LRP1: variants seen among roughly 807,000 people sequenced by gnomAD.
The protein encoded by LRP1 is LDL receptor related protein 1, also known as prolow-density lipoprotein receptor-related protein 1.
In LRP1, 51 loss-of-function variants were observed where a neutral mutation model predicts 541.5. That is an observed-to-expected ratio of 0.09 (90% CI 0.08 to 0.12). The LOEUF (loss-of-function observed/expected upper bound fraction) is 0.12. Ranked by LOEUF, LRP1 falls within the 10% of genes least tolerant of loss-of-function variation. LRP1 has a pLI of 1.00. For missense variants in LRP1, 3,878 were observed against 6,376.2 expected, an observed-to-expected ratio of 0.61 and a Z score of 13.34; for synonymous variants, 2,219 against 2,470.8, an observed-to-expected ratio of 0.90 and a Z score of 3.02.
rs534192855 is a variant in LRP1, at chr12:57,184,520, G to T, written c.6186+68G>T. 6.3e-7 allele frequency: 1 copy of T among 1,598,138 alleles called. No homozygotes were observed. Among genetic ancestry groups the T allele is most frequent in the South Asian group, 1.1e-5 (1 of 89,144 alleles). ...GACCCAGGCTCCTGTTCCCTGTGAT[G>T]AGCCCATTCTGGGAGGACTTGGAGC... On this transcript the variant is annotated intron_variant, in intron 38 of 88. Coordinates refer to ENST00000243077, the MANE Select transcript of LRP1 (RefSeq NM_002332.3). This position sits in a 1 kb window ranked among gnomAD's most constrained non-coding sequence, Gnocchi z 7.8.
Position 57,183,457 on chromosome 12 carries a change from C to T in LRP1, c.5741C>T (p.Ala1914Val). ...IPLDPNDKSD[A>V]LVPVSGTSLA... ...CTGGATCCCAATGACAAGTCAGATG[C>T]CCTGGTCCCAGTGTCCGGGACCTCG... Residue 1914 changes from alanine to valine, a missense_variant, in exon 35 of 89, where the codon GCC (alanine) becomes GTC (valine). Physicochemically the swap from Ala to Val is moderately conservative, Grantham distance 64. This residue lies in a region of LRP1 where 394 missense variants were observed against 635.9 expected (regional missense o/e 0.62). Coordinates refer to ENST00000243077, the MANE Select transcript of LRP1 (RefSeq NM_002332.3). The surrounding 1 kb of genome is among the most constrained non-coding windows in gnomAD (Gnocchi z 6.1). 1 of 1,614,166 alleles carries T rather than the reference C, an allele frequency of 6.2e-7. No homozygotes were observed. Among genetic ancestry groups the T allele is most frequent in the Non-Finnish European group, 8.5e-7 (1 of 1,179,992 alleles).
chr12:57,184,964 T>G lies in LRP1; in HGVS notation c.6312T>G (p.Phe2104Leu). The change falls in exon 39 of 89, where the codon TTT becomes TTG. Residue 2104 changes from phenylalanine (F) to leucine (L), a missense_variant. Phe to Leu is a conservative substitution (Grantham distance 22, BLOSUM62 0). Coordinates refer to ENST00000243077, the MANE Select transcript of LRP1 (RefSeq NM_002332.3). The surrounding 1 kb of genome is among the most constrained non-coding windows in gnomAD (Gnocchi z 7.8). ...TGGACATGTTTTCAGTGTCTGTGTT[T>G]GAGGATTTCATCTACTGGAGTGACA... ...NNMDMFSVSV[F>L]EDFIYWSDRT... 6.2e-7 allele frequency: 1 copy of G among 1,614,140 alleles called. No individual in the cohort carries two copies. The highest frequency in any genetic ancestry group is 8.5e-7 in the Non-Finnish European group (1 of 1,179,994).
In LRP1 at chr12:57,199,208, G is replaced by T. The variant is rs1431119379; in HGVS notation, c.9677-4G>T. ...GGCACTGTGCCTGCCCCTTGGCCCTGCAGTGCTGAGCCAGGACATCCCGCA... is the reference window on the plus strand; with the variant it reads ...GGCACTGTGCCTGCCCCTTGGCCCTTCAGTGCTGAGCCAGGACATCCCGCA... On this transcript the variant is annotated splice_polypyrimidine_tract_variant and splice_region_variant and intron_variant, in intron 60 of 88. Transcript: ENST00000243077. 1 of 1,612,564 alleles carries T rather than the reference G, an allele frequency of 6.2e-7. No homozygotes were observed.
rs763064523 is a variant in LRP1 at position 57,195,293 on chromosome 12, C to T, written c.8331C>T (p.Ser2777=). The change falls in exon 52 of 89, where the codon TCC becomes TCT. Residue 2777 remains serine (S), a synonymous_variant. Coordinates refer to ENST00000243077, the MANE Select transcript of LRP1 (RefSeq NM_002332.3). ...CAGAAGGCAAGACGTGCGGCCCCTC[C>T]TCCTTCTCCTGCCCTGGCACCCACG... The part of the protein sequence containing the change: ...AHCEGKTCGP[S]SFSCPGTHVC... The T allele has an allele frequency of 2.5e-6, 4 of 1,613,850 alleles. No homozygotes were observed. In the African/African-American group the frequency reaches 4.0e-5, roughly 16 times the overall value.
chr12:57,144,408 AGAT>A (rs1160094949), intron 4 of LRP1, among the ~76,000 whole-genome samples: 1 of 152,008 alleles, frequency 6.6e-6, no homozygotes, highest in Non-Finnish European at 1.5e-5. Context: ...TTGATGAGTG[AGAT>A]GTTCCCAATT....
In LRP1 at chr12:57,198,284, G is replaced by A. The variant is rs143423493; in HGVS notation, c.9411G>A (p.Thr3137=). The change falls in exon 59 of 89, where the codon ACG becomes ACA. Residue 3137 remains threonine, a synonymous_variant. Transcript: ENST00000243077. ...CCAAGCTCAATGGGGCCTATCGGAC[G>A]GTGCTGGTCAGCTCTGGCCTCCGTG... is the stretch of plus-strand genomic sequence containing the variant. The part of the protein sequence containing the change: ...EVSKLNGAYR[T]VLVSSGLREP... The A allele has an allele frequency of 3.3e-3, 5,379 of 1,613,954 alleles. 12 individuals are homozygous for A. Among genetic ancestry groups the A allele is most frequent in the Middle Eastern group, 5.0e-3 (30 of 6,012 alleles).
At chr12:57,193,360 C>A in intron 46 of LRP1, 56 bp downstream of exon 46, 1 of 1,593,918 alleles carries the variant, frequency 6.3e-7, no homozygotes, top group Non-Finnish European at 8.5e-7. Flanking sequence ...AGGTCCTCCT[C>A]CCCCAGGCCC....
In LRP1 at chr12:57,210,703, A is replaced by G; in HGVS notation, c.12755-15A>G. On this transcript the variant is annotated splice_polypyrimidine_tract_variant and intron_variant, in intron 82 of 88. Coordinates refer to ENST00000243077, the MANE Select transcript of LRP1 (RefSeq NM_002332.3). ...TCGAGGGCCACAGTCGCGCTCACAC[A>G]TCCTCTCCCACCAGGCATGCCCACG... 1 of 1,601,878 alleles carries G rather than the reference A, an allele frequency of 6.2e-7. No homozygotes were observed. The highest frequency in any genetic ancestry group is 8.5e-7 in the Non-Finnish European group (1 of 1,170,662).
At chr12:57,138,659 C>A in intron 2 of LRP1, 78 bp downstream of exon 2, 2 of 1,565,030 alleles carry the variant, frequency 1.3e-6, no homozygotes, top group Non-Finnish European at 1.7e-6. Context: ...GGGAGGAGGA[C>A]AGCTGATCCC....
Position 57,175,642 on chromosome 12 carries a change from G to C in LRP1, c.3730G>C (p.Val1244Leu). The C allele has an allele frequency of 6.2e-7, 1 of 1,607,218 alleles. No individual in the cohort carries two copies. The highest frequency in any genetic ancestry group is 8.5e-7 in the Non-Finnish European group (1 of 1,175,560). Residue 1244 changes from valine (V) to leucine (L), a missense_variant, in exon 23 of 89, where the codon GTG becomes CTG. This residue lies in a region of LRP1 where 320 missense variants were observed against 547.9 expected (regional missense o/e 0.58). Transcript: ENST00000243077. ...AAAGTGCGACCAGAACAAGTTCAGC[G>C]TGAAGTGCTCCTGCTACGAGGGCTG... ...SQKCDQNKFS[V>L]KCSCYEGWVL...
intron 13 of LRP1, among the ~76,000 whole-genome samples, chr12:57,161,874 C>T (rs1266721186): frequency 1.3e-5 from 2 of 152,150 alleles, no homozygotes; most frequent in South Asian, 2.1e-4. Flanking sequence ...GAGATCGTGT[C>T]GTTTTCACCT....
chr12:57,154,825 G>A lies in LRP1; in HGVS notation c.1227+124G>A, dbSNP rs971630332. 1.2e-6 allele frequency: 1 copy of A among 863,602 alleles called. No homozygotes were observed. Among genetic ancestry groups the A allele is most frequent in the South Asian group, 1.4e-5 (1 of 70,024 alleles). 53.5% of individuals were successfully genotyped at this position (863,602 alleles called of 1,614,324 possible). A position where few individuals can be genotyped will look rare whatever the true frequency, so the allele number is the denominator to read the frequency against. Reference sequence around the variant, plus strand: ...CTGGTAAAGAGCGTGGATGCCCCAGGCCTCTAGTGGGAGTGGGGTGGGCTT... The same window carrying A: ...CTGGTAAAGAGCGTGGATGCCCCAGACCTCTAGTGGGAGTGGGGTGGGCTT... On this transcript the variant is annotated intron_variant, in intron 8 of 88. Transcript: ENST00000243077. The surrounding 1 kb of genome is among the most constrained non-coding windows in gnomAD (Gnocchi z 4.6).
At chr12:57,137,291 C>T (rs1010108295) in intron 1 of LRP1, among the ~76,000 whole-genome samples, 9 of 150,852 alleles carry the variant, frequency 6.0e-5, no homozygotes, top group African/African-American at 1.9e-4. Flanking sequence ...CTTAATTCCT[C>T]CTTGGGGGAT....
intron 1 of LRP1, among the ~76,000 whole-genome samples, chr12:57,136,069 C>T (rs1021629791): frequency 2.6e-5 from 4 of 152,262 alleles, no homozygotes; most frequent in South Asian, 2.1e-4. Flanking sequence ...CCCCCTCAGC[C>T]GGCCACGGCT....
chr12:57,159,755 G>C, intron 11 of LRP1, 70 bp from the exon 12 acceptor site: 2 of 1,530,414 alleles, frequency 1.3e-6, no homozygotes, highest in Non-Finnish European at 1.8e-6. Flanking sequence ...CTGAGTCCGG[G>C]AGGGCCAGAG....
At position 57,154,646 on chromosome 12, in the gene LRP1, T is replaced by C; in HGVS notation, c.1172T>C (p.Ile391Thr). 6.3e-7 allele frequency: 1 copy of C among 1,594,364 alleles called. No homozygotes were observed. Among genetic ancestry groups the C allele is most frequent in the Non-Finnish European group, 8.5e-7 (1 of 1,169,996 alleles). Residue 391 changes from isoleucine (I) to threonine (T), a missense_variant, in exon 8 of 89, where the codon ATT becomes ACT. Coordinates refer to ENST00000243077, the MANE Select transcript of LRP1 (RefSeq NM_002332.3). The surrounding 1 kb of genome is among the most constrained non-coding windows in gnomAD (Gnocchi z 4.6). Reference sequence around the variant, plus strand: ...TGGGCAGATGCCTATCTGGACTATATTGAAGTGGTGGACTATGAGGGCAAG... The same window carrying C: ...TGGGCAGATGCCTATCTGGACTATACTGAAGTGGTGGACTATGAGGGCAAG... ...VYWADAYLDY[I>T]EVVDYEGKGR...
Position 57,162,661 on chromosome 12 carries a change from C to T in LRP1, c.2404+143C>T. The T allele has an allele frequency of 2.7e-6, 3 of 1,103,466 alleles. No individual in the cohort carries two copies. The highest frequency in any genetic ancestry group is 3.9e-6 in the Non-Finnish European group (3 of 768,512). The allele number at this position is 1,103,466 out of a possible 1,614,324, so 68.4% of individuals were successfully genotyped here. ...TGAGGATCCTGAGAAGAGAACTCCC[C>T]CAACACAATCTGATTCTCTGTTCCC... On this transcript the variant is annotated intron_variant, in intron 14 of 88. Transcript: ENST00000243077. The surrounding 1 kb of genome is among the most constrained non-coding windows in gnomAD (Gnocchi z 5.2).
chr12:57,138,674 C>T (rs2035224774), intron 2 of LRP1, 93 bp downstream of exon 2: 1 of 1,510,044 alleles, frequency 6.6e-7, no homozygotes, highest in Admixed American at 1.8e-5. Flanking sequence ...GATCCCTAGC[C>T]TGATGTGGAC....
At chr12:57,133,764 A>C (rs1220246451) in intron 1 of LRP1, among the ~76,000 whole-genome samples, 2 of 151,858 alleles carry the variant, frequency 1.3e-5, no homozygotes, top group Middle Eastern at 6.8e-3. Context: ...GTCCACTCTT[A>C]AAAAGGGCCC....
Sources: allele counts gnomAD v4.1 joint callset (sites outside exome capture counted in the v4.1 genomes callset), GRCh38; gene constraint gnomAD v4.1.1; regional missense constraint gnomAD v4.1.1; non-coding constraint Gnocchi (gnomAD v3.1); transcripts MANE v1.5; gene names NCBI Gene and HGNC (gene_info 2026-07-23, HGNC 2026-07-21).